CSMD1: variants seen among roughly 807,000 people sequenced by gnomAD.
The protein encoded by CSMD1 is CUB and sushi domain-containing protein 1.
In CSMD1, 213 loss-of-function variants were observed where a neutral mutation model predicts 417.5. The ratio of observed to expected loss-of-function variants is 0.51; its 90% CI spans 0.46 to 0.57. The LOEUF is 0.57. CSMD1 is among the 20% of genes least tolerant of loss of function. The pLI, the probability that CSMD1 is intolerant of heterozygous loss-of-function variation, is 0.00. For synonymous variants in CSMD1, 2,862 were observed against 1,736.8 expected (o/e 1.65, Z -16.11); for missense variants, 6,923 against 4,529.7 (o/e 1.53, Z -15.17).
intron 8 of CSMD1, among the ~76,000 whole-genome samples, chr8:3,612,759 A>G (rs903094626): frequency 1.3e-5 from 2 of 152,144 alleles, no homozygotes; most frequent in African/African-American, 4.8e-5. Context: ...ATCAAAATTG[A>G]AGAGATGCAG....
chr8:4,591,284 G>C (rs1036603185), intron 2 of CSMD1, among the ~76,000 whole-genome samples: 1 of 152,214 alleles, frequency 6.6e-6, no homozygotes, highest in African/African-American at 2.4e-5. Context: ...GAAGTACGAA[G>C]TCGAACAAAG....
intron 18 of CSMD1, among the ~76,000 whole-genome samples, chr8:3,370,590 T>G (rs1250255096): frequency 1.3e-5 from 2 of 152,292 alleles, no homozygotes; most frequent in South Asian, 2.1e-4. Context: ...TAGGACAGAT[T>G]AGAATTTGAG....
chr8:3,307,400 C>T (rs1804958094), intron 25 of CSMD1, among the ~76,000 whole-genome samples: 1 of 107,904 alleles, frequency 9.3e-6, no homozygotes, highest in Non-Finnish European at 1.9e-5. Flanking sequence ...GCCCAGGCAA[C>T]CCACGAAGTC....
intron 3 of CSMD1, among the ~76,000 whole-genome samples, chr8:4,059,348 C>A (rs904561286): frequency 1.3e-5 from 2 of 151,972 alleles, no homozygotes; most frequent in African/African-American, 4.8e-5. Flanking sequence ...TAGGAAAGAT[C>A]CAAAATGGAC....
chr8:3,914,244 T>G (rs1303267459), intron 5 of CSMD1, among the ~76,000 whole-genome samples: 1 of 152,112 alleles, frequency 6.6e-6, no homozygotes, highest in East Asian at 1.9e-4. Flanking sequence ...ATAGAGTAGA[T>G]AAGAGCTAGT....
intron 3 of CSMD1, among the ~76,000 whole-genome samples, chr8:4,317,458 T>C (rs759924491): frequency 1.3e-5 from 2 of 152,210 alleles, no homozygotes; most frequent in African/African-American, 2.4e-5. Context: ...CAGATGTCTA[T>C]ACGCTGCCAG....
At chr8:4,399,191 G>T (rs1804471865) in intron 3 of CSMD1, among the ~76,000 whole-genome samples, 1 of 152,122 alleles carries the variant, frequency 6.6e-6, no homozygotes, top group Non-Finnish European at 1.5e-5. Context: ...GATGATCCTA[G>T]CCTGGAATTT....
chr8:3,351,471 C>T (rs1247819301), intron 21 of CSMD1, among the ~76,000 whole-genome samples: 4 of 151,604 alleles, frequency 2.6e-5, no homozygotes, highest in Admixed American at 6.6e-5. Context: ...ATTAGCTAGG[C>T]GTGGTGGCAC....
chr8:3,998,055 C>CG lies in CSMD1; in HGVS notation c.665dup (p.His223AlafsTer19). Reference sequence around the variant, plus strand: ...TGTTCTCGTACTCTGAAGGGAAGTGCGGGCTGGAGATGGAGCTGCTGGTCC... The same window carrying CG: ...TGTTCTCGTACTCTGAAGGGAAGTGCGGGGCTGGAGATGGAGCTGCTGGTCC... On this transcript the variant is annotated frameshift_variant, in exon 5 of 70. Transcript: ENST00000635120. LOFTEE classifies it high-confidence loss of function. The CG allele has an allele frequency of 6.3e-7, 1 of 1,597,294 alleles. No homozygotes were observed. Among genetic ancestry groups the CG allele is most frequent in the Non-Finnish European group, 8.5e-7 (1 of 1,171,330 alleles).
At chr8:3,041,215 G>A (rs1032208287) in intron 50 of CSMD1, among the ~76,000 whole-genome samples, 1 of 152,086 alleles carries the variant, frequency 6.6e-6, no homozygotes, top group Non-Finnish European at 1.5e-5. Context: ...AAATAATTTA[G>A]AAAATTCTCA....
chr8:2,960,514 T>G (rs1320039609), intron 62 of CSMD1, among the ~76,000 whole-genome samples: 2 of 152,218 alleles, frequency 1.3e-5, no homozygotes, highest in African/African-American at 4.8e-5. Flanking sequence ...AACATTTTAT[T>G]TCAAGCTTCA....
chr8:3,786,933 C>A lies in CSMD1; in HGVS notation c.819-32891G>T, dbSNP rs1399138501. Among the ~76,000 whole-genome samples, 13 of 152,182 alleles carry A rather than the reference C, an allele frequency of 8.5e-5. No individual in the cohort carries two copies. In the East Asian group the frequency reaches 2.5e-3, roughly 30 times the overall value. ...GCACCTTTAGGATGAGGATTTCAAC[C>A]CAGGAATTTGGATGGACACCGGCAT... On this transcript the variant is annotated intron_variant, in intron 5 of 69. Coordinates refer to ENST00000635120, the MANE Select transcript of CSMD1 (RefSeq NM_033225.6).
At chr8:4,071,505 CCTTTA>C (rs1253240684) in intron 3 of CSMD1, among the ~76,000 whole-genome samples, 1 of 151,944 alleles carries the variant, frequency 6.6e-6, no homozygotes, top group East Asian at 1.9e-4. Context: ...AGCATTGCTT[CCTTTA>C]CTTATTTAAG....
intron 5 of CSMD1, among the ~76,000 whole-genome samples, chr8:3,820,956 G>A (rs1801702398): frequency 6.6e-6 from 1 of 151,908 alleles, no homozygotes; most frequent in South Asian, 2.1e-4. Context: ...TGCTTTTGCT[G>A]CCCAAGCTGG....
In CSMD1 at chr8:3,891,948, T is replaced by A. The variant is rs571016205; in HGVS notation, c.818+105955A>T. On this transcript the variant is annotated intron_variant, in intron 5 of 69. Coordinates refer to ENST00000635120, the MANE Select transcript of CSMD1 (RefSeq NM_033225.6). ...AAACTCTTAAGAGCAAAATGAACAT[T>A]TTCCAGCGTCCAAAAGCACAGCATC... 2.0e-5 allele frequency among the ~76,000 whole-genome samples: 3 copies of A among 152,178 alleles called. No individual in the cohort carries two copies. In the South Asian group the frequency reaches 6.2e-4, roughly 32 times the overall value.
At position 4,021,048 on chromosome 8, in the gene CSMD1, G is replaced by T. The variant is rs142273412; in HGVS notation, c.610+10857C>A. Among the ~76,000 whole-genome samples, 177 of 152,306 alleles carry T rather than the reference G, an allele frequency of 1.2e-3. 1 individual carries two copies. The highest frequency in any genetic ancestry group is 4.2e-3 in the African/African-American group (173 of 41,556). ...ACAACGTAAGTGAGAATAAAACCCA[G>T]TGACAGCATCAGAGCTCTACAAGCA... is the stretch of plus-strand genomic sequence containing the variant. On this transcript the variant is annotated intron_variant, in intron 4 of 69. Transcript: ENST00000635120.
intron 5 of CSMD1, among the ~76,000 whole-genome samples, chr8:3,844,839 T>C (rs1803388086): frequency 6.6e-6 from 1 of 152,162 alleles, no homozygotes; most frequent in African/African-American, 2.4e-5. Context: ...TTTTGTCTTT[T>C]GAAGGGAAAA....
intron 5 of CSMD1, among the ~76,000 whole-genome samples, chr8:3,831,554 G>T (rs1015740646): frequency 1.3e-5 from 2 of 152,116 alleles, no homozygotes; most frequent in Non-Finnish European, 2.9e-5. Context: ...GTTTTCATAT[G>T]CCTCTGTGCT....
intron 26 of CSMD1, among the ~76,000 whole-genome samples, chr8:3,246,537 T>A (rs987143941): frequency 6.6e-6 from 1 of 152,214 alleles, no homozygotes; most frequent in Non-Finnish European, 1.5e-5. Flanking sequence ...AGTGACTCAG[T>A]CTGGGCTCAC....
Sources: gnomAD v4.1 joint callset for allele counts (sites outside exome capture counted in the v4.1 genomes callset) on GRCh38, gnomAD v4.1.1 for gene constraint, MANE v1.5 for transcripts, NCBI Gene and HGNC (gene_info 2026-07-23, HGNC 2026-07-21) for gene names.